The following CDK14 variants were observed in gnomAD, a reference collection of about 807,000 sequenced individuals.
CDK14 encodes the protein cyclin-dependent kinase 14.
In CDK14, 34 loss-of-function variants were observed where a neutral mutation model predicts 60.7. That is an observed-to-expected ratio of 0.56 (90% confidence interval 0.43 to 0.75). CDK14 has a LOEUF of 0.75. Among genes scored for constraint, CDK14 ranks in the 30% least tolerant of loss-of-function variants. The pLI is 0.00. For synonymous variants in CDK14, 197 were observed against 203.7 expected (o/e 0.97, Z 0.28); for missense variants, 482 against 564.1 (o/e 0.85, Z 1.47).
intron 6 of CDK14, among the ~76,000 whole-genome samples, chr7:90,879,694 G>A (rs1044262915): frequency 5.3e-5 from 8 of 151,938 alleles, no homozygotes; most frequent in African/African-American, 1.9e-4. Flanking sequence ...GTATACCTAC[G>A]TAACAAACCT....
chr7:90,635,497 C>G (rs1476186141), intron 2 of CDK14, among the ~76,000 whole-genome samples: 1 of 152,160 alleles, frequency 6.6e-6, no homozygotes, highest in Non-Finnish European at 1.5e-5. Flanking sequence ...ATCTATATCT[C>G]TGTTTTGGTA....
At chr7:90,630,888 A>ATGTGTGTG (rs55859300) in intron 2 of CDK14, among the ~76,000 whole-genome samples, 1,828 of 148,444 alleles carry the variant, frequency 0.012, 24 homozygotes, top group African/African-American at 0.016. Context: ...TGGGGTGTGT[A>ATGTGTGTG]TGTGTGTGTG....
rs140409120 is a variant in CDK14 at position 90,877,311 on chromosome 7, C to T, written c.639+14042C>T. ...AATGAACTTCAGTGTTCTGAGTTAA[C>T]ATTCAACTTCTAGTGAGTAATTTAC... On this transcript the variant is annotated intron_variant, in intron 6 of 14. Transcript: ENST00000380050. Among the ~76,000 whole-genome samples the T allele has an allele frequency of 4.5e-3, 685 of 152,290 alleles. 6 individuals are homozygous for T. Among genetic ancestry groups the T allele is most frequent in the African/African-American group, 0.013 (551 of 41,578 alleles).
intron 14 of CDK14, among the ~76,000 whole-genome samples, chr7:91,205,984 C>T (rs968877203): frequency 5.3e-5 from 8 of 152,018 alleles, no homozygotes; most frequent in African/African-American, 1.2e-4. Context: ...TCAGTAGAGA[C>T]GGGGTTTCAC....
At chr7:90,837,342 C>T (rs1400569682) in intron 5 of CDK14, among the ~76,000 whole-genome samples, 1 of 149,448 alleles carries the variant, frequency 6.7e-6, no homozygotes, top group Non-Finnish European at 1.5e-5. Context: ...GGCTGGAATG[C>T]AGTGGTACAA....
At chr7:91,117,064 C>T (rs1799629415) in intron 13 of CDK14, among the ~76,000 whole-genome samples, 1 of 146,912 alleles carries the variant, frequency 6.8e-6, no homozygotes, top group African/African-American at 2.5e-5. Flanking sequence ...AACTGACACT[C>T]AACATTTCCA....
chr7:90,806,522 C>G (rs942212507), intron 5 of CDK14, among the ~76,000 whole-genome samples: 1 of 152,192 alleles, frequency 6.6e-6, no homozygotes, highest in Non-Finnish European at 1.5e-5. Context: ...CAGCTCCAGT[C>G]TACAGCTCCC....
intron 2 of CDK14, among the ~76,000 whole-genome samples, chr7:90,628,008 C>G (rs1799911118): frequency 6.6e-6 from 1 of 152,072 alleles, no homozygotes; most frequent in Non-Finnish European, 1.5e-5. Context: ...GTCCAGAGTA[C>G]AAGTGGTGCA....
At chr7:90,837,368 A>G (rs1584029912) in intron 5 of CDK14, among the ~76,000 whole-genome samples, 1 of 151,048 alleles carries the variant, frequency 6.6e-6, no homozygotes, top group South Asian at 2.1e-4. Flanking sequence ...GCTCACTGCA[A>G]CCTCCACCTC....
At chr7:91,091,762 G>T (rs780284259) in intron 12 of CDK14, among the ~76,000 whole-genome samples, 31 of 44,860 alleles carry the variant, frequency 6.9e-4, no homozygotes, top group Admixed American at 1.6e-3. Context: ...AGGAAGGAAG[G>T]AAGTAAGTTA....
At chr7:91,112,825 G>C (rs1562909635) in intron 13 of CDK14, 144 bp downstream of exon 13, 2 of 624,814 alleles carry the variant, frequency 3.2e-6, no homozygotes, top group Non-Finnish European at 5.3e-6. Context: ...CATTACAGGT[G>C]TGTGTGTGTG....
chr7:91,187,701 A>G (rs1362318037), intron 14 of CDK14, among the ~76,000 whole-genome samples: 1 of 152,206 alleles, frequency 6.6e-6, no homozygotes, highest in African/African-American at 2.4e-5. Context: ...TGGGCTCCTA[A>G]AAGGGAAAAA....
intron 10 of CDK14, among the ~76,000 whole-genome samples, chr7:90,994,385 C>T (rs945364205): frequency 1.5e-4 from 23 of 152,278 alleles, no homozygotes; most frequent in African/African-American, 5.3e-4. Flanking sequence ...TGTGTGGTTT[C>T]TCTTAATTTA....
intron 11 of CDK14, among the ~76,000 whole-genome samples, chr7:91,056,743 A>C (rs1165430169): frequency 3.3e-5 from 5 of 152,098 alleles, no homozygotes; most frequent in Admixed American, 3.3e-4. Flanking sequence ...TGAACTCATC[A>C]TTTTTTATGG....
Position 90,685,500 on chromosome 7 carries a change from T to C in CDK14, c.124-41067T>C, listed in dbSNP as rs1023131078. Among the ~76,000 whole-genome samples, 4 of 152,144 alleles carry C rather than the reference T, an allele frequency of 2.6e-5. No individual in the cohort carries two copies. In the South Asian group the frequency reaches 8.3e-4, roughly 32 times the overall value. On this transcript the variant is annotated intron_variant, in intron 2 of 14. Coordinates refer to ENST00000380050, the MANE Select transcript of CDK14 (RefSeq NM_001287135.2). ...TTAATTTATTATATTTCTTTAGAGA[T>C]AGAGTCTTGTTCTGTCACCCAGGCT...
chr7:90,869,269 G>A (rs748889582), intron 6 of CDK14, among the ~76,000 whole-genome samples: 17 of 152,344 alleles, frequency 1.1e-4, no homozygotes, highest in Non-Finnish European at 1.8e-4. Flanking sequence ...AGGGTGATCA[G>A]GGAGGGCTTG....
intron 4 of CDK14, among the ~76,000 whole-genome samples, chr7:90,769,908 G>C (rs747351242): frequency 6.6e-6 from 1 of 152,206 alleles, no homozygotes; most frequent in Non-Finnish European, 1.5e-5. Context: ...GTTTATTGAA[G>C]CCAACTTGTG....
chr7:91,174,318 A>T (rs1447410862), intron 14 of CDK14, among the ~76,000 whole-genome samples: 1 of 151,794 alleles, frequency 6.6e-6, no homozygotes, highest in Non-Finnish European at 1.5e-5. Context: ...CATCACCATC[A>T]TCAAAGATCA....
chr7:90,636,890 C>T (rs1378871186), intron 2 of CDK14, among the ~76,000 whole-genome samples: 6 of 151,500 alleles, frequency 4.0e-5, no homozygotes, highest in African/African-American at 1.5e-4. Flanking sequence ...GGAATTTATC[C>T]ATTTCTTCTA....
Sources: gnomAD v4.1 joint callset for allele counts (sites outside exome capture counted in the v4.1 genomes callset) on GRCh38, gnomAD v4.1.1 for gene constraint, MANE v1.5 for transcripts, NCBI Gene and HGNC (gene_info 2026-07-23, HGNC 2026-07-21) for gene names.